CRTAC1: variants seen among roughly 807,000 people sequenced by gnomAD.
CRTAC1 encodes the protein cartilage acidic protein 1.
In CRTAC1, 37 loss-of-function variants were observed where a neutral mutation model predicts 67.8. The observed-to-expected ratio is 0.55, with a 90% CI of 0.42 to 0.72. The LOEUF (loss-of-function observed/expected upper bound fraction) is 0.72, where lower values mean the gene tolerates loss of function less well. Ranked by LOEUF, CRTAC1 falls within the 30% of genes least tolerant of loss-of-function variation. The pLI, the probability that CRTAC1 is intolerant of heterozygous loss-of-function variation, is 0.00. For missense variants in CRTAC1, 780 were observed against 931.6 expected (o/e 0.84, Z 2.12); for synonymous variants, 348 against 371.0 (o/e 0.94, Z 0.71).
In CRTAC1 at chr10:97,880,297, T is replaced by G. The variant is rs1476995587; in HGVS notation, c.1771A>C (p.Lys591Gln). Residue 591 changes from lysine (K) to glutamine (Q), a missense_variant, in exon 14 of 15, where the codon AAG becomes CAG. By Grantham distance (53) the Lys-to-Gln change is moderately conservative. Coordinates refer to ENST00000370597, the MANE Select transcript of CRTAC1 (RefSeq NM_018058.7). The stretch of plus-strand genomic sequence containing the variant: ...TTGGGCTCGTAGCCCCGACTGCACT[T>G]CTTGTTGGTCCGGCACCTGTAGCTT... The part of the protein sequence containing the change: ...YGSYRCRTNK[K>Q]CSRGYEPNED... The G allele has an allele frequency of 3.7e-6, 6 of 1,614,062 alleles. No individual in the cohort carries two copies. The highest frequency in any genetic ancestry group is 5.1e-6 in the Non-Finnish European group (6 of 1,180,020).
intron 11 of CRTAC1, among the ~76,000 whole-genome samples, chr10:97,884,905 A>G (rs1444890085): frequency 2.6e-5 from 4 of 152,146 alleles, no homozygotes; most frequent in East Asian, 1.9e-4. Flanking sequence ...AGACCTGGGG[A>G]CAAATCCCAG....
intron 2 of CRTAC1, among the ~76,000 whole-genome samples, chr10:97,990,647 T>G (rs1842427293): frequency 6.6e-6 from 1 of 152,226 alleles, no homozygotes; most frequent in Non-Finnish European, 1.5e-5. Context: ...AAGAATTTCT[T>G]TAATCCATCA....
chr10:97,890,969 AT>A (rs1234701067), intron 11 of CRTAC1, among the ~76,000 whole-genome samples: 3 of 151,944 alleles, frequency 2.0e-5, no homozygotes, highest in African/African-American at 7.3e-5. Flanking sequence ...ACCCGGCTGC[AT>A]TTTCTTTTTT....
intron 14 of CRTAC1, chr10:97,878,294 A>C: frequency 5.1e-6 from 1 of 197,308 alleles, no homozygotes; most frequent in South Asian, 8.2e-5. Flanking sequence ...ATGATTTTTA[A>C]GTTGGTGTCT....
intron 2 of CRTAC1, among the ~76,000 whole-genome samples, chr10:97,974,922 A>G (rs2051773894): frequency 6.6e-6 from 1 of 152,036 alleles, no homozygotes; most frequent in Non-Finnish European, 1.5e-5. Context: ...AGGAGGAGGG[A>G]GAGACGGAGG....
rs1350708513 is a variant in CRTAC1 at position 98,029,900 on chromosome 10, TG to T, written c.24+548del. On this transcript the variant is annotated intron_variant, in intron 1 of 14. Transcript: ENST00000370597. The surrounding 1 kb of genome is among the most constrained non-coding windows in gnomAD (Gnocchi z 4.7). The stretch of plus-strand genomic sequence containing the variant: ...CTAGCAGCTACGCCGCGCGCGGGGC[TG>T]GCTCCCGGAGCTCTCTGCCACCCAG... Among the ~76,000 whole-genome samples, 20 of 152,256 alleles carry T rather than the reference TG, an allele frequency of 1.3e-4. No homozygotes were observed. The highest frequency in any genetic ancestry group is 4.8e-4 in the African/African-American group (20 of 41,576).
intron 2 of CRTAC1, among the ~76,000 whole-genome samples, chr10:97,974,735 C>T (rs1368899822): frequency 6.6e-6 from 1 of 152,198 alleles, no homozygotes; most frequent in East Asian, 1.9e-4. Context: ...AGAAGCTGGA[C>T]TCAGGGAGCC....
chr10:97,923,555 T>C (rs1373454349), intron 3 of CRTAC1, among the ~76,000 whole-genome samples, 155 bp from the exon 4 acceptor site: 1 of 152,128 alleles, frequency 6.6e-6, no homozygotes, highest in African/African-American at 2.4e-5. Flanking sequence ...GTGAGACTCC[T>C]CTGTGTTTGG....
chr10:97,915,689 C>A lies in CRTAC1; in HGVS notation c.715+1811G>T, dbSNP rs1220481488. ...CGTCCATGTGTCATTAGCTGAGTGA[C>A]AAGGGGGGCTACAGGGTAGTGTTGG... On this transcript the variant is annotated intron_variant, in intron 5 of 14. Coordinates refer to ENST00000370597, the MANE Select transcript of CRTAC1 (RefSeq NM_018058.7). 5.3e-5 allele frequency among the ~76,000 whole-genome samples: 8 copies of A among 150,310 alleles called. No homozygotes were observed. The East Asian group carries it at 1.6e-3, about 29-fold the overall frequency.
At chr10:97,960,481 A>G (rs2051508495) in intron 2 of CRTAC1, among the ~76,000 whole-genome samples, 1 of 152,176 alleles carries the variant, frequency 6.6e-6, no homozygotes, top group Non-Finnish European at 1.5e-5. Context: ...CTCTGTACAC[A>G]CACGTGTGTA....
chr10:97,866,338 C>A (rs773358758), intron 14 of CRTAC1: 1 of 152,296 alleles, frequency 6.6e-6, no homozygotes, highest in Non-Finnish European at 1.5e-5. Flanking sequence ...CTCGGCCTTG[C>A]GAGAAGCATC....
chr10:97,918,192 AG>A (rs1433136905), intron 4 of CRTAC1, among the ~76,000 whole-genome samples: 1 of 152,132 alleles, frequency 6.6e-6, no homozygotes, highest in Non-Finnish European at 1.5e-5. Flanking sequence ...ACAGATTTGC[AG>A]GGGTCCTACT....
chr10:98,030,377 A>C lies in CRTAC1; in HGVS notation c.24+72T>G. The stretch of plus-strand genomic sequence containing the variant: ...GCGTCCCCGCCACCCTTGCGGGCGG[A>C]TCCGGGGGGGCGCGCAGAGCTGGAG... On this transcript the variant is annotated intron_variant, in intron 1 of 14. Transcript: ENST00000370597. This position sits in a 1 kb window ranked among gnomAD's most constrained non-coding sequence, Gnocchi z 4.2. 1.0e-6 allele frequency: 1 copy of C among 987,132 alleles called. No individual in the cohort carries two copies. Among genetic ancestry groups the C allele is most frequent in the Non-Finnish European group, 1.3e-6 (1 of 750,620 alleles). The allele number at this position is 987,132 out of a possible 1,614,324, so 61.1% of individuals were successfully genotyped here. A position where few individuals can be genotyped will look rare whatever the true frequency, so the allele number is the denominator to read the frequency against.
chr10:97,904,875 C>T, intron 6 of CRTAC1, 61 bp from the exon 7 acceptor site: 2 of 1,498,794 alleles, frequency 1.3e-6, no homozygotes, highest in South Asian at 1.4e-5. Context: ...CAAACACTCA[C>T]CCTGCTCTAG....
At position 97,870,535 on chromosome 10, in the gene CRTAC1, C is replaced by T. The variant is rs2050081221; in HGVS notation, c.1820-4821G>A. ...CAGAGTGCCAGTTACACGGGGTGCT[C>T]ACTTCATGAGAATTCACTGAGCTGT... On this transcript the variant is annotated intron_variant, in intron 14 of 14. Transcript: ENST00000370597. 2.6e-5 allele frequency: 4 copies of T among 152,024 alleles called. No homozygotes were observed. In the South Asian group the frequency reaches 8.3e-4, roughly 32 times the overall value. The allele number at this position is 152,024 out of a possible 1,614,324, so 9.4% of individuals were successfully genotyped here. A position where few individuals can be genotyped will look rare whatever the true frequency, so the allele number is the denominator to read the frequency against.
chr10:97,922,644 GC>G (rs1590211193), intron 4 of CRTAC1, among the ~76,000 whole-genome samples: 2 of 152,336 alleles, frequency 1.3e-5, no homozygotes, highest in East Asian at 3.9e-4. Context: ...GGCTGCAGTG[GC>G]TCATGCCCCT....
At chr10:97,973,608 C>A (rs1183826569) in intron 2 of CRTAC1, among the ~76,000 whole-genome samples, 1 of 152,176 alleles carries the variant, frequency 6.6e-6, no homozygotes, top group African/African-American at 2.4e-5. Context: ...TACCAACCTG[C>A]TGATTTCTAA....
At chr10:98,020,676 G>C (rs879198) in intron 1 of CRTAC1, among the ~76,000 whole-genome samples, 39,648 of 152,288 alleles carry the variant, frequency 0.26, 6,009 homozygotes, top group African/African-American at 0.41. Flanking sequence ...GGAACAAGGT[G>C]GAGAGAGTGT....
At chr10:97,867,715 T>C (rs1336737970) in intron 14 of CRTAC1, 1 of 151,854 alleles carries the variant, frequency 6.6e-6, no homozygotes, top group Non-Finnish European at 1.5e-5. Context: ...TTTTTTTTTT[T>C]CTTTTTCCAA....
Sources: gnomAD v4.1 joint callset for allele counts (sites outside exome capture counted in the v4.1 genomes callset) on GRCh38, gnomAD v4.1.1 for gene constraint, Gnocchi (gnomAD v3.1) non-coding constraint, MANE v1.5 for transcripts, NCBI Gene and HGNC (gene_info 2026-07-23, HGNC 2026-07-21) for gene names.